SYNPR: variants seen among roughly 807,000 people sequenced by gnomAD.
SYNPR encodes synaptoporin.
A neutral mutation model predicts 32.9 loss-of-function variants in SYNPR; 23 were observed. The ratio of observed to expected loss-of-function variants is 0.70; its 90% CI spans 0.50 to 0.99. The LOEUF is 0.99. Among genes scored for constraint, SYNPR ranks in the 50% least tolerant of loss-of-function variants. SYNPR has a pLI of 0.00. For missense variants in SYNPR, 318 were observed against 349.3 expected (o/e 0.91, Z 0.71); for synonymous variants, 146 against 135.9 (o/e 1.07, Z -0.52).
At chr3:63,225,394 C>T (rs2086120886), upstream of SYNPR, among the ~76,000 whole-genome samples, 1 of 152,178 alleles carries the variant, frequency 6.6e-6, no homozygotes, top group Admixed American at 6.5e-5. Context: ...GAGATTCTCA[C>T]TGCTATCTGG....
intron 2 of SYNPR, among the ~76,000 whole-genome samples, chr3:63,340,482 G>C (rs1396769905): frequency 2.0e-5 from 3 of 148,234 alleles, no homozygotes; most frequent in African/African-American, 7.4e-5. Context: ...TGCAGTGGCG[G>C]GATCTCGGCT....
At chr3:63,385,763 T>A (rs2107075763) in intron 2 of SYNPR, among the ~76,000 whole-genome samples, 1 of 152,314 alleles carries the variant, frequency 6.6e-6, no homozygotes, top group South Asian at 2.1e-4. Context: ...AATCACTGGT[T>A]ACATATGTGA....
At chr3:63,222,464 A>T in the SYNPR span, among the ~76,000 whole-genome samples, 3 of 152,118 alleles carry the variant, frequency 2.0e-5, no homozygotes, top group Non-Finnish European at 2.9e-5. Flanking sequence ...GGGGTGGCTT[A>T]AGAGAGGATA....
At chr3:63,607,450 C>A (rs57219617) in intron 4 of SYNPR, among the ~76,000 whole-genome samples, 6,558 of 152,204 alleles carry the variant, frequency 0.043, 333 homozygotes, top group African/African-American at 0.12. Flanking sequence ...ACTGTTGAAA[C>A]AGCTGTAGAT....
chr3:63,201,091 T>A, the SYNPR span, among the ~76,000 whole-genome samples: 1 of 152,182 alleles, frequency 6.6e-6, no homozygotes, highest in Non-Finnish European at 1.5e-5. Context: ...AAATTATCCT[T>A]TAAACTTCCC....
At chr3:63,369,986 T>C (rs1342408818) in intron 2 of SYNPR, among the ~76,000 whole-genome samples, 3 of 152,226 alleles carry the variant, frequency 2.0e-5, no homozygotes, top group Non-Finnish European at 4.4e-5. Context: ...GGGTCATGAA[T>C]GAACCATTTT....
chr3:63,599,857 A>AGTACATATAATTTCTAAGTG (rs1377266923), intron 4 of SYNPR, among the ~76,000 whole-genome samples: 6 of 152,234 alleles, frequency 3.9e-5, no homozygotes, highest in Non-Finnish European at 5.9e-5. Flanking sequence ...ATTTCTAAGT[A>AGTACATATAATTTCTAAGTG]GTACATATAA....
intron 1 of SYNPR, among the ~76,000 whole-genome samples, chr3:63,235,965 CTTA>C (rs1421490524): frequency 1.3e-5 from 2 of 151,542 alleles, no homozygotes; most frequent in African/African-American, 2.4e-5. Flanking sequence ...TGAAGATTTT[CTTA>C]TATTTTTTTC....
At chr3:63,460,321 C>G (rs779936707) in intron 2 of SYNPR, among the ~76,000 whole-genome samples, 16 of 152,050 alleles carry the variant, frequency 1.1e-4, no homozygotes, top group Non-Finnish European at 2.2e-4. Context: ...CCCACAGAGT[C>G]TTTACATGTA....
chr3:63,280,004 G>A (rs2086613385), intron 2 of SYNPR, among the ~76,000 whole-genome samples: 2 of 152,200 alleles, frequency 1.3e-5, no homozygotes, highest in Non-Finnish European at 2.9e-5. Flanking sequence ...TGCTTTCTCA[G>A]AATTCTGCCC....
intron 3 of SYNPR, among the ~76,000 whole-genome samples, chr3:63,499,787 T>C (rs1483116319): frequency 6.6e-6 from 1 of 152,088 alleles, no homozygotes; most frequent in Non-Finnish European, 1.5e-5. Context: ...TCTCTGTTTC[T>C]TTCTAATACA....
intron 3 of SYNPR, among the ~76,000 whole-genome samples, chr3:63,517,938 G>A (rs1187202655): frequency 6.6e-6 from 1 of 152,134 alleles, no homozygotes; most frequent in Non-Finnish European, 1.5e-5. Flanking sequence ...TATGGCAAGG[G>A]CAACAATACG....
chr3:63,501,494 C>CAAAAAAAAAAAAAAAAAAAAAAAAA (rs377290258), intron 3 of SYNPR, among the ~76,000 whole-genome samples: 3 of 96,734 alleles, frequency 3.1e-5, no homozygotes, highest in South Asian at 3.4e-4. Flanking sequence ...CTCCCCCAAC[C>CAAAAAAAAAAAAAAAAAAAAAAAAA]AAAAAAAAAA....
rs988279989 is a variant in SYNPR, at chr3:63,495,193, C to T, written c.209+14237C>T. Among the ~76,000 whole-genome samples, 6 of 152,304 alleles carry T rather than the reference C, an allele frequency of 3.9e-5. No homozygotes were observed. The South Asian group carries it at 6.2e-4, about 16-fold the overall frequency. Reference sequence around the variant, plus strand: ...TCATTTTGAAAGATTCTTTGCCAAACTAGCAGCTGTCACTTAGAGACTGTT... The same window carrying T: ...TCATTTTGAAAGATTCTTTGCCAAATTAGCAGCTGTCACTTAGAGACTGTT... On this transcript the variant is annotated intron_variant, in intron 3 of 5. Transcript: ENST00000478300.
upstream of SYNPR, among the ~76,000 whole-genome samples, chr3:63,276,489 A>T (rs1483527273): frequency 6.6e-6 from 1 of 152,196 alleles, no homozygotes; most frequent in African/African-American, 2.4e-5. Flanking sequence ...CAGTTAAGAT[A>T]GGTATTTTGG....
intron 2 of SYNPR, among the ~76,000 whole-genome samples, chr3:63,415,600 A>G (rs1339550554): frequency 6.6e-6 from 1 of 152,202 alleles, no homozygotes; most frequent in East Asian, 1.9e-4. Context: ...GCCATAGACA[A>G]TATGTAACCA....
intron 4 of SYNPR, among the ~76,000 whole-genome samples, chr3:63,600,425 T>C (rs1472924271): frequency 6.6e-6 from 1 of 152,146 alleles, no homozygotes; most frequent in Non-Finnish European, 1.5e-5. Flanking sequence ...GGTGGGACAA[T>C]GTAGGGAAGT....
intron 2 of SYNPR, among the ~76,000 whole-genome samples, chr3:63,306,538 A>T (rs1424374865): frequency 4.5e-5 from 2 of 44,630 alleles, no homozygotes; most frequent in African/African-American, 8.9e-5. Context: ...CCAGTGATTA[A>T]AAAAAAAAAC....
intron 2 of SYNPR, among the ~76,000 whole-genome samples, chr3:63,366,306 T>C (rs2087729079): frequency 6.6e-6 from 1 of 152,128 alleles, no homozygotes; most frequent in Non-Finnish European, 1.5e-5. Context: ...GGAGGGGTGA[T>C]AAGAGGAATA....
Sources: allele counts gnomAD v4.1 joint callset (sites outside exome capture counted in the v4.1 genomes callset), GRCh38; gene constraint gnomAD v4.1.1; transcripts MANE v1.5; gene names NCBI Gene and HGNC (gene_info 2026-07-23, HGNC 2026-07-21).